SPATA9: variants seen among roughly 807,000 people sequenced by gnomAD.
SPATA9 encodes the protein spermatogenesis-associated protein 9.
In SPATA9, 27 loss-of-function variants were observed where a neutral mutation model predicts 25.5. The observed-to-expected ratio is 1.06, with a 90% CI of 0.78 to 1.46. The LOEUF (loss-of-function observed/expected upper bound fraction) is 1.46. SPATA9 is among the 40% of genes most tolerant of loss of function. SPATA9 has a pLI of 0.00. For synonymous variants in SPATA9, 102 were observed against 105.7 expected (o/e 0.97, Z 0.21); for missense variants, 282 against 297.5 (o/e 0.95, Z 0.38).
At chr5:95,665,267 C>T (rs1751671191) in intron 3 of SPATA9, among the ~76,000 whole-genome samples, 1 of 152,140 alleles carries the variant, frequency 6.6e-6, no homozygotes, top group Non-Finnish European at 1.5e-5. Context: ...TTACTGTTAA[C>T]CGTAGTCACC....
At chr5:95,711,338 C>A in the SPATA9 span, among the ~76,000 whole-genome samples, 2 of 152,154 alleles carry the variant, frequency 1.3e-5, no homozygotes, top group Non-Finnish European at 2.9e-5. Flanking sequence ...TTAAAAGGAG[C>A]GGTTGGCAGT....
chr5:95,685,327 C>T (rs1561417291), upstream of SPATA9, among the ~76,000 whole-genome samples: 1 of 152,192 alleles, frequency 6.6e-6, no homozygotes, highest in Non-Finnish European at 1.5e-5. Context: ...AACAACCTTC[C>T]TAATTGGATC....
At chr5:95,714,824 C>G in the SPATA9 span, among the ~76,000 whole-genome samples, 87 of 151,600 alleles carry the variant, frequency 5.7e-4, no homozygotes, top group Non-Finnish European at 1.1e-3. Flanking sequence ...CTTCATATTC[C>G]CTTTATAATA....
At chr5:95,687,523 T>G (rs35147447), upstream of SPATA9, among the ~76,000 whole-genome samples, 22,937 of 152,198 alleles carry the variant, frequency 0.15, 1,989 homozygotes, top group African/African-American at 0.24. Context: ...AATAAATGCC[T>G]GCTACATAGC....
intron 1 of SPATA9, among the ~76,000 whole-genome samples, chr5:95,690,190 AAAG>A (rs1202629514): frequency 2.6e-5 from 4 of 152,200 alleles, no homozygotes; most frequent in Non-Finnish European, 4.4e-5. Context: ...AAGTTAAAAA[AAAG>A]AAGATCAAAG....
chr5:95,728,926 T>A, the SPATA9 span, among the ~76,000 whole-genome samples: 13 of 152,210 alleles, frequency 8.5e-5, no homozygotes, highest in Non-Finnish European at 5.9e-5. Flanking sequence ...TATAATGCAC[T>A]AGCATGCTAA....
chr5:95,723,793 C>T, the SPATA9 span, among the ~76,000 whole-genome samples: 1 of 152,174 alleles, frequency 6.6e-6, no homozygotes, highest in Admixed American at 6.5e-5. Context: ...CTGGCAGTCC[C>T]AGCTTCACTG....
chr5:95,708,617 G>A, the SPATA9 span: 2 of 696,506 alleles, frequency 2.9e-6, no homozygotes, highest in Non-Finnish European at 5.2e-6. Context: ...TCAACATTTT[G>A]GAGTTCTTTT....
At chr5:95,660,937 G>C (rs539282078) in intron 4 of SPATA9, among the ~76,000 whole-genome samples, 2 of 149,560 alleles carry the variant, frequency 1.3e-5, no homozygotes, top group Non-Finnish European at 3.0e-5. Context: ...CTGGGAATCT[G>C]CTTCTCTATT....
At chr5:95,685,099 C>T (rs763846890), upstream of SPATA9, among the ~76,000 whole-genome samples, 2 of 152,134 alleles carry the variant, frequency 1.3e-5, no homozygotes, top group African/African-American at 2.4e-5. Context: ...CAGGCTTTGC[C>T]GTGGGCAAAT....
At chr5:95,684,668 C>G (rs1206534575), upstream of SPATA9, 1 of 152,192 alleles carries the variant, frequency 6.6e-6, no homozygotes, top group Non-Finnish European at 1.5e-5. Flanking sequence ...CCCTGCAGCA[C>G]TTACATTATG....
At chr5:95,697,855 A>G (rs767253396) in intron 1 of SPATA9, among the ~76,000 whole-genome samples, 12 of 148,064 alleles carry the variant, frequency 8.1e-5, no homozygotes, top group Non-Finnish European at 1.8e-4. Context: ...CATTCTTTCA[A>G]GTGAAAATGA....
the SPATA9 span, among the ~76,000 whole-genome samples, chr5:95,704,810 G>A: frequency 1.3e-5 from 2 of 152,162 alleles, no homozygotes; most frequent in Non-Finnish European, 2.9e-5. Flanking sequence ...TTCCAAGATG[G>A]TGCCTTATTG....
chr5:95,654,470 C>A (rs150550), downstream of SPATA9: 2 of 780,032 alleles, frequency 2.6e-6, no homozygotes, highest in South Asian at 3.7e-5. Context: ...GAATATAATT[C>A]CAAGTATTCT....
upstream of SPATA9, among the ~76,000 whole-genome samples, chr5:95,685,061 G>C (rs1051206049): frequency 1.3e-5 from 2 of 152,176 alleles, no homozygotes; most frequent in Non-Finnish European, 2.9e-5. Context: ...AGTCAGACCT[G>C]GGTTTGAGTT....
At chr5:95,708,760 A>G in the SPATA9 span, 1 of 641,930 alleles carries the variant, frequency 1.6e-6, no homozygotes. Flanking sequence ...CTCTGAGAAC[A>G]GTGCACATAG....
At chr5:95,718,358 C>A in the SPATA9 span, among the ~76,000 whole-genome samples, 1 of 152,182 alleles carries the variant, frequency 6.6e-6, no homozygotes, top group South Asian at 2.1e-4. Context: ...TCAGAGGGAT[C>A]AGCCTGAAAT....
chr5:95,675,450 C>T lies in SPATA9; in HGVS notation c.340G>A (p.Glu114Lys), dbSNP rs1454839489. 5 of 1,614,052 alleles carry T rather than the reference C, an allele frequency of 3.1e-6. No homozygotes were observed. The African/African-American group carries it at 5.3e-5, about 17-fold the overall frequency. Reference sequence around the variant, plus strand: ...AGGGGTTGCCTCGGCGCATTAACTTCCCTCAGCAGACGACCAGATATGTCC... The same window carrying T: ...AGGGGTTGCCTCGGCGCATTAACTTTCCTCAGCAGACGACCAGATATGTCC... ...LRDISGRLLR[E>K]VNAPRQPLYN... is the part of the protein sequence containing the mutation. The change falls in exon 3 of 5, where the codon GAA becomes AAA. Residue 114 changes from glutamate (E) to lysine (K), a missense_variant. Physicochemically the swap from Glu to Lys is moderately conservative, Grantham distance 56 (BLOSUM62 1). Coordinates refer to ENST00000274432, the MANE Select transcript of SPATA9 (RefSeq NM_031952.4).
At chr5:95,655,948 C>G, downstream of SPATA9, 1 of 1,114,550 alleles carries the variant, frequency 9.0e-7, no homozygotes, top group Non-Finnish European at 1.3e-6. Flanking sequence ...GAAAAGCTAA[C>G]CTGTTTTTTT....
Sources: allele counts gnomAD v4.1 joint callset (sites outside exome capture counted in the v4.1 genomes callset), GRCh38; gene constraint gnomAD v4.1.1; transcripts MANE v1.5; gene names NCBI Gene and HGNC (gene_info 2026-07-23, HGNC 2026-07-21).